PTPRT: variants seen among roughly 807,000 people sequenced by gnomAD.
PTPRT encodes receptor-type tyrosine-protein phosphatase T.
A neutral mutation model predicts 176.8 loss-of-function variants in PTPRT; 56 were observed. The ratio of observed to expected loss-of-function variants is 0.32; its 90% CI spans 0.26 to 0.40. The LOEUF (loss-of-function observed/expected upper bound fraction) is 0.40. PTPRT is among the 10% of genes least tolerant of loss of function. The pLI, the probability that PTPRT is intolerant of heterozygous loss-of-function variation, is 1.00. For synonymous variants in PTPRT, 783 were observed against 739.0 expected, an observed-to-expected ratio of 1.06 and a Z score of -0.96; for missense variants, 1,540 against 1,908.2, an observed-to-expected ratio of 0.81 and a Z score of 3.60.
At chr20:43,035,405 GTC>G (rs1265295009) in intron 1 of PTPRT, among the ~76,000 whole-genome samples, 1 of 152,140 alleles carries the variant, frequency 6.6e-6, no homozygotes, top group African/African-American at 2.4e-5. Flanking sequence ...GGGCCATACG[GTC>G]TCTGCGGCAA....
At chr20:42,221,885 A>G (rs4349400) in intron 15 of PTPRT, among the ~76,000 whole-genome samples, 94,390 of 151,726 alleles carry the variant, frequency 0.62, 30,112 homozygotes, top group African/African-American at 0.76. Context: ...AATAGCATGG[A>G]GGGAAACCAC....
At chr20:42,067,632 C>T in the PTPRT span, among the ~76,000 whole-genome samples, 4 of 152,138 alleles carry the variant, frequency 2.6e-5, no homozygotes, top group African/African-American at 9.7e-5. Context: ...TGGCAGGACT[C>T]CTGTTCCCAA....
At chr20:42,460,193 G>C (rs1392135515) in intron 8 of PTPRT, among the ~76,000 whole-genome samples, 3 of 152,110 alleles carry the variant, frequency 2.0e-5, no homozygotes, top group African/African-American at 7.2e-5. Flanking sequence ...GGTATCAATT[G>C]GGAAAATTAT....
At chr20:42,121,152 C>A (rs1054779988) in intron 19 of PTPRT, among the ~76,000 whole-genome samples, 2 of 152,182 alleles carry the variant, frequency 1.3e-5, no homozygotes, top group African/African-American at 2.4e-5. Flanking sequence ...GATACAAAGA[C>A]AAGTTTCTGC....
chr20:42,036,749 G>T, the PTPRT span, among the ~76,000 whole-genome samples: 1 of 152,162 alleles, frequency 6.6e-6, no homozygotes, highest in Non-Finnish European at 1.5e-5. Flanking sequence ...CACAGTCAGA[G>T]CCAGGCATAA....
intron 12 of PTPRT, among the ~76,000 whole-genome samples, chr20:42,290,711 A>G (rs1350541242): frequency 6.6e-6 from 1 of 151,982 alleles, no homozygotes; most frequent in African/African-American, 2.4e-5. Flanking sequence ...AATGCCTCAT[A>G]TCTGTATCTA....
At chr20:43,038,431 G>A (rs548763318) in intron 1 of PTPRT, among the ~76,000 whole-genome samples, 4 of 152,128 alleles carry the variant, frequency 2.6e-5, no homozygotes, top group South Asian at 4.1e-4. Flanking sequence ...CTCAACATTC[G>A]TTCCTGATAT....
intron 1 of PTPRT, among the ~76,000 whole-genome samples, chr20:42,970,509 C>G (rs554384704): frequency 7.7e-4 from 118 of 152,296 alleles, no homozygotes; most frequent in African/African-American, 2.5e-3. Context: ...GCGACCTTGA[C>G]AAGTTGCATA....
chr20:42,624,008 C>CAAAAAAAAAAAAAAAAAAAAAAAAAAA (rs2074247421), intron 7 of PTPRT, among the ~76,000 whole-genome samples: 3 of 116,664 alleles, frequency 2.6e-5, no homozygotes, highest in African/African-American at 1.1e-4. Context: ...ACAATAGCAA[C>CAAAAAAAAAAAAAAAAAAAAAAAAAAA]AAACAAACAA....
chr20:42,790,398 T>C (rs949336220), intron 3 of PTPRT, among the ~76,000 whole-genome samples: 2 of 147,784 alleles, frequency 1.4e-5, no homozygotes, highest in African/African-American at 5.0e-5. Flanking sequence ...AATCTGTCAT[T>C]GCCATGATTT....
At chr20:42,712,502 A>C (rs1244570120) in intron 6 of PTPRT, among the ~76,000 whole-genome samples, 1 of 152,212 alleles carries the variant, frequency 6.6e-6, no homozygotes, top group Non-Finnish European at 1.5e-5. Context: ...ATGCAAGATC[A>C]CTCAGGCTAA....
rs570613568 is a variant in PTPRT at position 42,973,434 on chromosome 20, CCT to C, written c.89-87504_89-87503del. ...TCTCCACCCCACTTCTTTATCCCAT[CCT>C]CTCTCTCTCTCTGTGTGTGTTTGTG... On this transcript the variant is annotated intron_variant, in intron 1 of 30. Transcript: ENST00000373187. Among the ~76,000 whole-genome samples the C allele has an allele frequency of 3.0e-4, 46 of 150,824 alleles. 1 individual carries two copies. In the South Asian group the frequency reaches 8.8e-3, roughly 29 times the overall value.
intron 5 of PTPRT, among the ~76,000 whole-genome samples, chr20:42,767,057 C>T (rs1326050619): frequency 6.6e-6 from 1 of 152,192 alleles, no homozygotes; most frequent in Non-Finnish European, 1.5e-5. Flanking sequence ...AGAAACATCT[C>T]AGGAGAAACT....
chr20:42,543,403 A>C (rs2072618299), intron 7 of PTPRT, among the ~76,000 whole-genome samples: 1 of 152,126 alleles, frequency 6.6e-6, no homozygotes, highest in Admixed American at 6.5e-5. Context: ...GCAATTCCTC[A>C]TTTGTTAAAA....
At chr20:42,419,698 C>A (rs565443832) in intron 9 of PTPRT, among the ~76,000 whole-genome samples, 9 of 152,248 alleles carry the variant, frequency 5.9e-5, no homozygotes, top group African/African-American at 2.2e-4. Context: ...GTTACTTCCT[C>A]CTATAATTTC....
At chr20:43,070,785 T>C (rs968549776) in intron 1 of PTPRT, among the ~76,000 whole-genome samples, 5 of 151,144 alleles carry the variant, frequency 3.3e-5, no homozygotes, top group African/African-American at 1.2e-4. Flanking sequence ...TGAAAACACT[T>C]GGACTCAGGA....
chr20:42,086,173 G>C (rs187211050), intron 27 of PTPRT, among the ~76,000 whole-genome samples: 1 of 152,002 alleles, frequency 6.6e-6, no homozygotes, highest in African/African-American at 2.4e-5. Context: ...TCCTGACCTC[G>C]GGTGATCCAC....
intron 13 of PTPRT, chr20:42,270,579 A>G (rs1277766680): frequency 2.5e-5 from 18 of 715,156 alleles, no homozygotes; most frequent in Middle Eastern, 2.4e-4. Context: ...CTCACACTAA[A>G]TAGCAAAAGA....
At chr20:42,422,283 G>C (rs2059125339) in intron 9 of PTPRT, among the ~76,000 whole-genome samples, 2 of 152,168 alleles carry the variant, frequency 1.3e-5, no homozygotes, top group Non-Finnish European at 2.9e-5. Flanking sequence ...CAGAATGGGA[G>C]AAAACTTTTT....
Sources: gnomAD v4.1 joint callset for allele counts (sites outside exome capture counted in the v4.1 genomes callset) on GRCh38, gnomAD v4.1.1 for gene constraint, MANE v1.5 for transcripts, NCBI Gene and HGNC (gene_info 2026-07-23, HGNC 2026-07-21) for gene names.